TNIP3: variants seen among roughly 807,000 people sequenced by gnomAD.
TNIP3 encodes the protein TNFAIP3 interacting protein 3.
In TNIP3, 34 loss-of-function variants were observed where a neutral mutation model predicts 54.1. The ratio of observed to expected loss-of-function variants is 0.63; its 90% CI spans 0.48 to 0.84. The LOEUF (loss-of-function observed/expected upper bound fraction) is 0.84, where lower values mean the gene tolerates loss of function less well. TNIP3 is among the 40% of genes least tolerant of loss of function. The probability of loss-of-function intolerance (pLI) is 0.00; values close to 1 mark genes in which losing one functional copy is unlikely to be tolerated. For synonymous variants in TNIP3, 134 were observed against 136.8 expected, an observed-to-expected ratio of 0.98 and a Z score of 0.14; for missense variants, 366 against 387.6, an observed-to-expected ratio of 0.94 and a Z score of 0.47.
At chr4:121,171,845 C>T (rs1723978162) in intron 3 of TNIP3, among the ~76,000 whole-genome samples, 2 of 152,234 alleles carry the variant, frequency 1.3e-5, no homozygotes, top group South Asian at 4.1e-4. Flanking sequence ...ATCCTCCTGC[C>T]TCAGCCTCCC....
chr4:121,225,509 A>G (rs1727219574), intron 1 of TNIP3, among the ~76,000 whole-genome samples: 1 of 152,198 alleles, frequency 6.6e-6, no homozygotes, highest in Non-Finnish European at 1.5e-5. Flanking sequence ...CCTTCATGAA[A>G]TAAATATTTG....
chr4:121,159,265 A>G lies in TNIP3; in HGVS notation c.148-513T>C, dbSNP rs189075854. Among the ~76,000 whole-genome samples the G allele has an allele frequency of 1.6e-4, 25 of 152,312 alleles. No individual in the cohort carries two copies. The East Asian group carries it at 4.6e-3, about 28-fold the overall frequency. On this transcript the variant is annotated intron_variant, in intron 2 of 10. Coordinates refer to ENST00000057513, the MANE Select transcript of TNIP3 (RefSeq NM_024873.6). ...CTCATGGAAAGAAAAGAAAAAAAAGAAAAGAAAAGAAAAGAAAAACCAGTA... is the reference window on the plus strand; with the variant it reads ...CTCATGGAAAGAAAAGAAAAAAAAGGAAAGAAAAGAAAAGAAAAACCAGTA...
chr4:121,140,616 C>G (rs1247113977), intron 9 of TNIP3, among the ~76,000 whole-genome samples: 2 of 152,134 alleles, frequency 1.3e-5, no homozygotes, highest in African/African-American at 4.8e-5. Context: ...TCTCCAATCC[C>G]CCAACCTGTA....
rs1300425591 is a variant in TNIP3 at position 121,157,215 on chromosome 4, G to C, written c.242C>G (p.Ala81Gly). The change falls in exon 4 of 11, where the codon GCC becomes GGC. Residue 81 changes from alanine to glycine, a missense_variant. Transcript: ENST00000057513. ...KVAELKTKLDAAERFLSTREK... is the reference protein window; with the variant it reads ...KVAELKTKLDGAERFLSTREK... ...CCGCGTGCTGAGGAATCTTTCCGCG[G>C]CGTCCAGTTTCGTCTTCAGCTCTGC... 1.9e-6 allele frequency: 3 copies of C among 1,614,118 alleles called. No individual in the cohort carries two copies. In the South Asian group the frequency reaches 3.3e-5, roughly 18 times the overall value.
intron 1 of TNIP3, among the ~76,000 whole-genome samples, chr4:121,221,843 T>C (rs1207660719): frequency 6.6e-6 from 1 of 152,224 alleles, no homozygotes; most frequent in Non-Finnish European, 1.5e-5. Context: ...AGTCTTTTTG[T>C]TTTATAGCAG....
chr4:121,183,680 C>G (rs1328948946), intron 2 of TNIP3, among the ~76,000 whole-genome samples: 1 of 152,072 alleles, frequency 6.6e-6, no homozygotes, highest in Non-Finnish European at 1.5e-5. Context: ...CTCATAGGAG[C>G]GCAAATCCTA....
At chr4:121,132,707 T>C (rs1271209673) in intron 10 of TNIP3, 45 bp from the exon 11 acceptor site, 1 of 1,540,488 alleles carries the variant, frequency 6.5e-7, no homozygotes, top group Non-Finnish European at 9.0e-7. Context: ...AAATTAACAT[T>C]TCATTTCTCT....
At chr4:121,209,965 A>G (rs1170249751) in intron 2 of TNIP3, among the ~76,000 whole-genome samples, 1 of 152,202 alleles carries the variant, frequency 6.6e-6, no homozygotes, top group Non-Finnish European at 1.5e-5. Context: ...AGAAAAGAGA[A>G]AATTATTAAA....
chr4:121,154,509 G>A (rs757722735), intron 5 of TNIP3, 42 bp downstream of exon 5: 3 of 1,609,576 alleles, frequency 1.9e-6, no homozygotes, highest in Middle Eastern at 1.7e-4. Flanking sequence ...TTTTATGCAG[G>A]GACTTCTCAT....
chr4:121,215,505 C>G (rs1320921289), intron 2 of TNIP3, among the ~76,000 whole-genome samples: 1 of 152,168 alleles, frequency 6.6e-6, no homozygotes, highest in Non-Finnish European at 1.5e-5. Context: ...GAAGCCAAAA[C>G]AAACTGTTAG....
chr4:121,154,182 T>C (rs376408049), intron 5 of TNIP3: 47 of 280,528 alleles, frequency 1.7e-4, no homozygotes, highest in African/African-American at 1.0e-3. Flanking sequence ...ATAGTGATCA[T>C]TTTAAAGAGC....
At chr4:121,225,871 A>T (rs1359582789) in intron 1 of TNIP3, among the ~76,000 whole-genome samples, 2 of 152,080 alleles carry the variant, frequency 1.3e-5, no homozygotes, top group East Asian at 3.9e-4. Flanking sequence ...TCTCTTCTAC[A>T]CTGTGCCACA....
At chr4:121,156,291 C>A (rs1387902874) in intron 4 of TNIP3, among the ~76,000 whole-genome samples, 1 of 152,118 alleles carries the variant, frequency 6.6e-6, no homozygotes, top group Non-Finnish European at 1.5e-5. Flanking sequence ...TCTTACTATA[C>A]CTAAAATAAC....
chr4:121,191,634 G>T (rs1181501293), intron 2 of TNIP3, among the ~76,000 whole-genome samples: 3 of 152,098 alleles, frequency 2.0e-5, no homozygotes, highest in Non-Finnish European at 4.4e-5. Flanking sequence ...TTTTAGACAG[G>T]TACAGTTCCA....
chr4:121,204,271 ATC>A (rs1000491411), intron 2 of TNIP3, among the ~76,000 whole-genome samples: 1 of 152,146 alleles, frequency 6.6e-6, no homozygotes, highest in Non-Finnish European at 1.5e-5. Flanking sequence ...ATAAATGCAT[ATC>A]TGATTGCCTC....
intron 9 of TNIP3, 92 bp downstream of exon 9, chr4:121,141,724 G>A (rs1479868630): frequency 2.2e-5 from 18 of 834,784 alleles, no homozygotes; most frequent in Non-Finnish European, 2.9e-5. Flanking sequence ...GGCTCTTGCT[G>A]TAGATAATAT....
intron 2 of TNIP3, among the ~76,000 whole-genome samples, chr4:121,191,899 C>A (rs1401459041): frequency 6.6e-6 from 1 of 152,064 alleles, no homozygotes; most frequent in African/African-American, 2.4e-5. Flanking sequence ...TTATTCAAAT[C>A]TTTGGAAATT....
At chr4:121,138,278 A>T (rs1425234844) in intron 10 of TNIP3, among the ~76,000 whole-genome samples, 2 of 152,134 alleles carry the variant, frequency 1.3e-5, no homozygotes, top group Non-Finnish European at 2.9e-5. Flanking sequence ...AACCTGGAAT[A>T]GTGGGTGTGC....
At chr4:121,184,319 G>T (rs939440173) in intron 2 of TNIP3, among the ~76,000 whole-genome samples, 1 of 152,186 alleles carries the variant, frequency 6.6e-6, no homozygotes, top group South Asian at 2.1e-4. Context: ...TGCTAGGGTT[G>T]TCTGCTCAAT....
Sources: gnomAD v4.1 joint callset for allele counts (sites outside exome capture counted in the v4.1 genomes callset) on GRCh38, gnomAD v4.1.1 for gene constraint, MANE v1.5 for transcripts, NCBI Gene and HGNC (gene_info 2026-07-23, HGNC 2026-07-21) for gene names.